Variants in GABRG3 observed in about 807,000 individuals in gnomAD.
GABRG3 encodes the protein gamma-aminobutyric acid type A receptor subunit gamma3.
GABRG3 carries 25 observed loss-of-function variants against 48.8 expected under a neutral mutation model. The observed-to-expected ratio is 0.51, with a 90% CI of 0.37 to 0.72. GABRG3 has a LOEUF of 0.72. GABRG3 is among the 30% of genes least tolerant of loss of function. GABRG3 has a pLI of 0.00. For missense variants in GABRG3, 394 were observed against 577.9 expected (o/e 0.68, Z 3.26); for synonymous variants, 227 against 217.6 (o/e 1.04, Z -0.38).
intron 6 of GABRG3, among the ~76,000 whole-genome samples, chr15:27,512,632 T>C (rs1211683316): frequency 1.3e-5 from 2 of 152,178 alleles, no homozygotes; most frequent in South Asian, 2.1e-4. Flanking sequence ...TGAGATCCTC[T>C]AGAAAATTAA....
intron 3 of GABRG3, among the ~76,000 whole-genome samples, chr15:27,220,523 C>A (rs78941350): frequency 3.9e-5 from 6 of 152,144 alleles, no homozygotes; most frequent in Non-Finnish European, 7.4e-5. Flanking sequence ...GAACAAAGAA[C>A]GTGGTCAGAA....
chr15:27,265,857 G>GCAAGGT (rs1310581332), intron 3 of GABRG3, among the ~76,000 whole-genome samples: 1 of 139,258 alleles, frequency 7.2e-6, no homozygotes, highest in Non-Finnish European at 1.5e-5. Context: ...ATCACCAAAT[G>GCAAGGT]CAAGGTCAAG....
chr15:27,395,012 A>C lies in GABRG3; in HGVS notation c.574+66124A>C, dbSNP rs938922857. Among the ~76,000 whole-genome samples the C allele has an allele frequency of 3.9e-5, 6 of 152,276 alleles. No homozygotes were observed. The East Asian group carries it at 1.2e-3, about 29-fold the overall frequency. On this transcript the variant is annotated intron_variant, in intron 5 of 9. Coordinates refer to ENST00000615808, the MANE Select transcript of GABRG3 (RefSeq NM_033223.5). The stretch of plus-strand genomic sequence containing the variant: ...TTAACTTTTTATATTATGTTTAGAA[A>C]GTATGAGGTCATTATTTCTTCCAGC...
chr15:27,018,013 G>A (rs566100652), intron 2 of GABRG3, among the ~76,000 whole-genome samples: 6 of 152,218 alleles, frequency 3.9e-5, no homozygotes, highest in Admixed American at 6.5e-5. Context: ...GGTCAGTGCA[G>A]TTCTGCATTC....
chr15:26,974,028 A>T lies in GABRG3; in HGVS notation c.53+2440A>T, dbSNP rs1043756218. On this transcript the variant is annotated intron_variant, in intron 1 of 9. Coordinates refer to ENST00000615808, the MANE Select transcript of GABRG3 (RefSeq NM_033223.5). This position sits in a 1 kb window ranked among gnomAD's most constrained non-coding sequence, Gnocchi z 4.3. Reference sequence around the variant, plus strand: ...ATGAGATTTCATTTTTGTCAAAGCAAGGATTTTCCTGTGGGCCTGGTGGTC... The same window carrying T: ...ATGAGATTTCATTTTTGTCAAAGCATGGATTTTCCTGTGGGCCTGGTGGTC... Among the ~76,000 whole-genome samples, 6 of 152,304 alleles carry T rather than the reference A, an allele frequency of 3.9e-5. No homozygotes were observed. Among genetic ancestry groups the T allele is most frequent in the African/African-American group, 1.4e-4 (6 of 41,566 alleles).
intron 9 of GABRG3, chr15:27,530,551 T>C: frequency 8.6e-6 from 4 of 463,908 alleles, no homozygotes; most frequent in Non-Finnish European, 1.8e-5. Flanking sequence ...ATATTGTAAA[T>C]ATGATATCCA....
At chr15:26,987,329 G>A (rs1358566232) in intron 2 of GABRG3, among the ~76,000 whole-genome samples, 1 of 152,184 alleles carries the variant, frequency 6.6e-6, no homozygotes, top group Non-Finnish European at 1.5e-5. Flanking sequence ...AGAGCCCTTA[G>A]ACAACTTTAC....
In GABRG3 at chr15:26,975,038, TA is replaced by T. The variant is rs1566897233; in HGVS notation, c.54-1962del. On this transcript the variant is annotated intron_variant, in intron 1 of 9. Transcript: ENST00000615808. This position sits in a 1 kb window ranked among gnomAD's most constrained non-coding sequence, Gnocchi z 4.6. ...ACAGGCATGTGCCACCATGCCCCGC[TA>T]ATTTTTTTTGTATTTTTAGTAGAGA... 1.3e-5 allele frequency among the ~76,000 whole-genome samples: 2 copies of T among 151,764 alleles called. No homozygotes were observed. The highest frequency in any genetic ancestry group is 4.8e-5 in the African/African-American group (2 of 41,330).
At chr15:27,298,957 C>CA (rs1222008471) in intron 3 of GABRG3, among the ~76,000 whole-genome samples, 10 of 151,980 alleles carry the variant, frequency 6.6e-5, no homozygotes, top group Admixed American at 5.9e-4. Context: ...ACAACAACAA[C>CA]AAAAAATGCT....
At chr15:27,307,340 G>C (rs1030489861) in intron 3 of GABRG3, among the ~76,000 whole-genome samples, 3 of 133,678 alleles carry the variant, frequency 2.2e-5, no homozygotes, top group Non-Finnish European at 3.2e-5. Flanking sequence ...TATAACCATA[G>C]GTTTATATAT....
At chr15:27,453,290 A>T (rs534994754) in intron 5 of GABRG3, among the ~76,000 whole-genome samples, 2 of 152,332 alleles carry the variant, frequency 1.3e-5, no homozygotes, top group East Asian at 3.9e-4. Context: ...CTCCTCACAC[A>T]CACATACTCA....
intron 3 of GABRG3, among the ~76,000 whole-genome samples, chr15:27,258,994 CAT>C (rs760369664): frequency 3.3e-4 from 51 of 152,300 alleles, no homozygotes; most frequent in African/African-American, 1.2e-3. Flanking sequence ...TACATGAAAA[CAT>C]GTGGTATTTA....
rs78016269 is a variant in GABRG3, at chr15:27,507,559, C to T, written c.713-12413C>T. ...ATAAACAAATAAATATGTTAAGCTTCGGTTTGTGGCCCAGAATATGTTCTA... is the reference window on the plus strand; with the variant it reads ...ATAAACAAATAAATATGTTAAGCTTTGGTTTGTGGCCCAGAATATGTTCTA... On this transcript the variant is annotated intron_variant, in intron 6 of 9. Transcript: ENST00000615808. Among the ~76,000 whole-genome samples the T allele has an allele frequency of 7.9e-3, 1,202 of 152,010 alleles. 16 individuals are homozygous for T. Among genetic ancestry groups the T allele is most frequent in the African/African-American group, 0.027 (1,105 of 41,474 alleles).
At chr15:27,221,806 T>C (rs932659182) in intron 3 of GABRG3, among the ~76,000 whole-genome samples, 8 of 152,174 alleles carry the variant, frequency 5.3e-5, no homozygotes, top group Non-Finnish European at 8.8e-5. Context: ...AAATTTAAGG[T>C]CAACAAAATG....
chr15:27,269,943 C>T (rs1409195087), intron 3 of GABRG3, among the ~76,000 whole-genome samples: 1 of 152,028 alleles, frequency 6.6e-6, no homozygotes, highest in Non-Finnish European at 1.5e-5. Context: ...CTAATATTAA[C>T]TATAATATTC....
intron 5 of GABRG3, among the ~76,000 whole-genome samples, chr15:27,421,906 A>G (rs1595743993): frequency 6.9e-6 from 1 of 145,364 alleles, no homozygotes; most frequent in Non-Finnish European, 1.5e-5. Flanking sequence ...GTGTTCTAAG[A>G]TATCCATGGG....
intron 3 of GABRG3, among the ~76,000 whole-genome samples, chr15:27,124,583 A>G (rs141547962): frequency 1.2e-3 from 179 of 152,320 alleles, no homozygotes; most frequent in Non-Finnish European, 2.2e-3. Context: ...AAGTCCTGTT[A>G]TCATTGATTA....
chr15:26,974,012 C>A lies in GABRG3; in HGVS notation c.53+2424C>A, dbSNP rs1894891161. Among the ~76,000 whole-genome samples the A allele has an allele frequency of 6.6e-6, 1 of 152,162 alleles. No individual in the cohort carries two copies. The highest frequency in any genetic ancestry group is 6.5e-5 in the Admixed American group (1 of 15,272). ...TAATGGGTCCCCTGAGATGAGATTTCATTTTTGTCAAAGCAAGGATTTTCC... is the reference window on the plus strand; with the variant it reads ...TAATGGGTCCCCTGAGATGAGATTTAATTTTTGTCAAAGCAAGGATTTTCC... On this transcript the variant is annotated intron_variant, in intron 1 of 9. Coordinates refer to ENST00000615808, the MANE Select transcript of GABRG3 (RefSeq NM_033223.5). The surrounding 1 kb of genome is among the most constrained non-coding windows in gnomAD (Gnocchi z 4.3).
intron 3 of GABRG3, among the ~76,000 whole-genome samples, chr15:27,156,224 G>A (rs1207724125): frequency 8.0e-5 from 12 of 149,220 alleles, no homozygotes; most frequent in African/African-American, 2.2e-4. Context: ...GCATGAACCC[G>A]GGAGGTGGAG....
Sources: allele counts gnomAD v4.1 joint callset (sites outside exome capture counted in the v4.1 genomes callset), GRCh38; gene constraint gnomAD v4.1.1; non-coding constraint Gnocchi (gnomAD v3.1); transcripts MANE v1.5; gene names NCBI Gene and HGNC (gene_info 2026-07-23, HGNC 2026-07-21).